RTL4: variants seen among roughly 807,000 people sequenced by gnomAD.
The protein encoded by RTL4 is retrotransposon Gag like 4.
A neutral mutation model predicts 5.3 loss-of-function variants in RTL4; 4 were observed. The observed-to-expected ratio is 0.75, with a 90% CI of 0.37 to 1.72. The LOEUF (loss-of-function observed/expected upper bound fraction) is 1.72, where lower values mean the gene tolerates loss of function less well. Among genes scored for constraint, RTL4 ranks in the 40% most tolerant of loss-of-function variants. The pLI is 0.04. For synonymous variants in RTL4, 98 were observed against 87.3 expected (o/e 1.12, Z -0.68); for missense variants, 260 against 227.1 (o/e 1.14, Z -0.93).
At chrX:112,214,302 A>G in the RTL4 span, among the ~76,000 whole-genome samples, 591 of 111,907 alleles carry the variant, frequency 5.3e-3, 4 homozygotes, top group Non-Finnish European at 5.9e-3. Flanking sequence ...TCTTAGCACA[A>G]TGTTCTCCAG....
At chrX:112,374,773 A>G in the RTL4 span, among the ~76,000 whole-genome samples, 1 of 111,853 alleles carries the variant, frequency 8.9e-6, no homozygotes. Context: ...TTCAAAACTG[A>G]GGAACTCATT....
At chrX:112,404,046 G>A in the RTL4 span, among the ~76,000 whole-genome samples, 2 of 111,140 alleles carry the variant, frequency 1.8e-5, no homozygotes, top group African/African-American at 6.5e-5. Context: ...GATCTCTCCA[G>A]TTTACACCCC....
chrX:112,172,401 A>T, the RTL4 span, among the ~76,000 whole-genome samples: 1 of 112,019 alleles, frequency 8.9e-6, no homozygotes, highest in Non-Finnish European at 1.9e-5. Context: ...TATGAAAAAA[A>T]ACCTCAATAT....
the RTL4 span, among the ~76,000 whole-genome samples, chrX:112,192,318 A>G: frequency 1.8e-5 from 2 of 110,444 alleles, no homozygotes; most frequent in Non-Finnish European, 3.8e-5. Flanking sequence ...ATGAGACTGT[A>G]TATCTTTGTC....
the RTL4 span, among the ~76,000 whole-genome samples, chrX:112,446,619 G>A: frequency 8.9e-6 from 1 of 112,384 alleles, no homozygotes; most frequent in Admixed American, 9.4e-5. Context: ...AAGCCAAGGC[G>A]AGTGGATCAC....
the RTL4 span, among the ~76,000 whole-genome samples, chrX:112,315,851 C>G: frequency 9.0e-6 from 1 of 111,716 alleles, no homozygotes; most frequent in Admixed American, 9.6e-5. Context: ...GGACAAGCAC[C>G]CAGATGGCTG....
At chrX:112,302,418 A>G in the RTL4 span, among the ~76,000 whole-genome samples, 1 of 111,741 alleles carries the variant, frequency 8.9e-6, no homozygotes, top group Non-Finnish European at 1.9e-5. Context: ...TATCTACAAC[A>G]TAGGTTTTTT....
At chrX:112,343,560 T>G in the RTL4 span, among the ~76,000 whole-genome samples, 28 of 112,345 alleles carry the variant, frequency 2.5e-4, no homozygotes, top group Non-Finnish European at 3.9e-4. Context: ...AAATTAGAAC[T>G]GATTTCTTTA....
the RTL4 span, among the ~76,000 whole-genome samples, chrX:112,246,482 A>C: frequency 1.4e-4 from 16 of 112,058 alleles, no homozygotes; most frequent in Non-Finnish European, 1.7e-4. Flanking sequence ...AGAATGCTGC[A>C]CTTGCAGTGA....
chrX:112,154,715 A>T, the RTL4 span, among the ~76,000 whole-genome samples: 1 of 111,689 alleles, frequency 9.0e-6, no homozygotes, highest in African/African-American at 3.2e-5. Context: ...GCCATTCAGC[A>T]ATTTACAACT....
the RTL4 span, among the ~76,000 whole-genome samples, chrX:112,215,569 T>A: frequency 8.9e-6 from 1 of 112,479 alleles, no homozygotes; most frequent in South Asian, 3.7e-4. Context: ...TAGTTTGTCT[T>A]ATTTCATTCA....
chrX:112,257,946 A>G, the RTL4 span, among the ~76,000 whole-genome samples: 1 of 105,966 alleles, frequency 9.4e-6, no homozygotes, highest in African/African-American at 3.5e-5. Flanking sequence ...GAAGAACTGA[A>G]TACTTTTTCT....
At chrX:112,323,353 G>A in the RTL4 span, among the ~76,000 whole-genome samples, 11 of 110,481 alleles carry the variant, frequency 1.0e-4, no homozygotes, top group African/African-American at 2.6e-4. Flanking sequence ...ATTTTCTTTC[G>A]CTTTGAAAGA....
the RTL4 span, among the ~76,000 whole-genome samples, chrX:112,386,654 G>T: frequency 1.8e-5 from 2 of 111,685 alleles, no homozygotes; most frequent in African/African-American, 3.3e-5. Flanking sequence ...TAGTTTTCCA[G>T]TTCCATTCAG....
chrX:112,111,330 A>T, the RTL4 span, among the ~76,000 whole-genome samples: 41 of 106,923 alleles, frequency 3.8e-4, no homozygotes, highest in African/African-American at 1.3e-3. Context: ...TCTCTCATTG[A>T]CTTCCTGTCT....
the RTL4 span, among the ~76,000 whole-genome samples, chrX:112,358,210 C>G: frequency 2.7e-5 from 3 of 110,426 alleles, no homozygotes; most frequent in Admixed American, 9.7e-5. Flanking sequence ...AGGTGATCCT[C>G]CCATCTCAGC....
chrX:112,085,845 G>A, the RTL4 span, among the ~76,000 whole-genome samples: 1 of 111,835 alleles, frequency 8.9e-6, no homozygotes, highest in South Asian at 3.7e-4. Flanking sequence ...ATTTTGTGAG[G>A]AAACGACATA....
the RTL4 span, among the ~76,000 whole-genome samples, chrX:112,316,557 C>A: frequency 8.9e-6 from 1 of 111,869 alleles, no homozygotes; most frequent in African/African-American, 3.2e-5. Context: ...CCATGTAAAA[C>A]CCTATGCTTC....
chrX:112,353,634 G>T, the RTL4 span, among the ~76,000 whole-genome samples: 1 of 110,256 alleles, frequency 9.1e-6, no homozygotes, highest in Non-Finnish European at 1.9e-5. Context: ...ATTGAACAAT[G>T]AGAACACATG....
Sources: gnomAD v4.1 joint callset for allele counts (sites outside exome capture counted in the v4.1 genomes callset) on GRCh38, gnomAD v4.1.1 for gene constraint, MANE v1.5 for transcripts, NCBI Gene and HGNC (gene_info 2026-07-23, HGNC 2026-07-21) for gene names.